The following PTCHD4 variants were observed in gnomAD, a reference collection of about 807,000 sequenced individuals.
PTCHD4 encodes the protein patched domain-containing protein 4.
In PTCHD4, 33 loss-of-function variants were observed where a neutral mutation model predicts 58.1. The ratio of observed to expected loss-of-function variants is 0.57; its 90% CI spans 0.43 to 0.76. PTCHD4 has a LOEUF of 0.76. Ranked by LOEUF, PTCHD4 falls within the 30% of genes least tolerant of loss-of-function variation. The probability of loss-of-function intolerance (pLI) is 0.00; values close to 1 mark genes in which losing one functional copy is unlikely to be tolerated. For missense variants in PTCHD4, 1,058 were observed against 1,027.1 expected, an observed-to-expected ratio of 1.03 and a Z score of -0.41; for synonymous variants, 478 against 409.6, an observed-to-expected ratio of 1.17 and a Z score of -2.02.
rs774173820 is a variant in PTCHD4 at position 48,008,705 on chromosome 6, G to C, written c.827C>G (p.Ala276Gly). 6.2e-7 allele frequency: 1 copy of C among 1,613,802 alleles called. No homozygotes were observed. Among genetic ancestry groups the C allele is most frequent in the Non-Finnish European group, 8.5e-7 (1 of 1,179,836 alleles). ...ATCGGTGATGAAGAAGATCCCTGCT[G>C]CTGTGATGATGGAGATGCATACTGT... ...VLTVCISIIT[A>G]AGIFFITDGK... The change falls in exon 4 of 5, where the codon GCA (alanine) becomes GGA (glycine). Residue 276 changes from alanine to glycine, a missense_variant. Ala to Gly is a moderately conservative substitution (Grantham distance 60). Transcript: ENST00000339488.
At chr6:47,983,607 TAAAAGGA>T (rs1767963051) in intron 4 of PTCHD4, among the ~76,000 whole-genome samples, 1 of 152,224 alleles carries the variant, frequency 6.6e-6, no homozygotes, top group Non-Finnish European at 1.5e-5. Context: ...TCTTTGTGTG[TAAAAGGA>T]TAAAATGATG....
intron 3 of PTCHD4, among the ~76,000 whole-genome samples, chr6:48,030,978 G>T (rs1763419487): frequency 6.6e-6 from 1 of 152,104 alleles, no homozygotes; most frequent in Admixed American, 6.6e-5. Context: ...GAGAACAATG[G>T]ACTTATGTTG....
At chr6:48,015,499 A>G (rs902720999) in intron 3 of PTCHD4, among the ~76,000 whole-genome samples, 3 of 151,622 alleles carry the variant, frequency 2.0e-5, no homozygotes, top group African/African-American at 4.9e-5. Context: ...CTTTCTTCCT[A>G]TTCCTTGAAG....
At position 47,878,347 on chromosome 6, in the gene PTCHD4, AT is replaced by A. The variant is rs747450851; in HGVS notation, c.2487del (p.Glu829AspfsTer3). ...RAKRKEREEI[E>X]CIEIQENPDH... ...TCCGGGTTCTCTTGAATTTCTATGCATTCAATTTCCTCTCTCTCCTTTCGCT... is the reference window on the plus strand; with the variant it reads ...TCCGGGTTCTCTTGAATTTCTATGCATCAATTTCCTCTCTCTCCTTTCGCT... On this transcript the variant is annotated frameshift_variant, in exon 5 of 5. Transcript: ENST00000339488. LOFTEE classifies it high-confidence loss of function. 2 of 1,608,732 alleles carry A rather than the reference AT, an allele frequency of 1.2e-6. No homozygotes were observed. Among genetic ancestry groups the A allele is most frequent in the African/African-American group, 2.7e-5 (2 of 74,404 alleles).
At chr6:48,097,725 A>T (rs1765503959) in intron 1 of PTCHD4, among the ~76,000 whole-genome samples, 1 of 152,206 alleles carries the variant, frequency 6.6e-6, no homozygotes, top group Admixed American at 6.5e-5. Context: ...CCTTATTAGG[A>T]AGCTATTATA....
rs1191464873 is a variant in PTCHD4, at chr6:47,877,317, A to G, written c.*986T>C. On this transcript the variant is annotated 3_prime_UTR_variant, in exon 5 of 5. Transcript: ENST00000339488. ...CACATACACATACTTGTGCACCCTT[A>G]GACTCATGTATGGATAATCTGTGTA... Among the ~76,000 whole-genome samples, 2 of 152,034 alleles carry G rather than the reference A, an allele frequency of 1.3e-5. No homozygotes were observed. The highest frequency in any genetic ancestry group is 2.9e-5 in the Non-Finnish European group (2 of 67,976).
chr6:47,983,895 A>G (rs1310009219), intron 4 of PTCHD4, among the ~76,000 whole-genome samples: 1 of 152,194 alleles, frequency 6.6e-6, no homozygotes, highest in African/African-American at 2.4e-5. Context: ...TATTTAACCC[A>G]ATCTTATGTA....
chr6:47,868,264 A>C lies in PTCHD4; in HGVS notation c.*10039T>G, dbSNP rs1459237065. On this transcript the variant is annotated 3_prime_UTR_variant, in exon 5 of 5. Coordinates refer to ENST00000339488, the MANE Select transcript of PTCHD4 (RefSeq NM_001384253.1). The stretch of plus-strand genomic sequence containing the variant: ...TCACATTCTCCCTTATTTTACTATC[A>C]AGATGTGTATAGCTCTAGGTTGTAG... 3.3e-5 allele frequency among the ~76,000 whole-genome samples: 5 copies of C among 151,446 alleles called. No individual in the cohort carries two copies. Among genetic ancestry groups the C allele is most frequent in the Non-Finnish European group, 5.9e-5 (4 of 67,744 alleles).
intron 3 of PTCHD4, among the ~76,000 whole-genome samples, chr6:48,062,462 C>A (rs1764663935): frequency 6.6e-6 from 1 of 152,144 alleles, no homozygotes; most frequent in East Asian, 1.9e-4. Flanking sequence ...TCCCCACCCC[C>A]CACTTTTTTT....
At chr6:48,032,039 T>C (rs1490586831) in intron 3 of PTCHD4, among the ~76,000 whole-genome samples, 1 of 147,368 alleles carries the variant, frequency 6.8e-6, no homozygotes, top group Non-Finnish European at 1.5e-5. Flanking sequence ...ATGTACCCTC[T>C]GTCCTTGACA....
chr6:48,108,314 A>G (rs1236517499), intron 1 of PTCHD4, among the ~76,000 whole-genome samples: 5 of 152,168 alleles, frequency 3.3e-5, no homozygotes, highest in Non-Finnish European at 7.3e-5. Flanking sequence ...ACATGGATGA[A>G]GCTGGAAACC....
chr6:47,997,429 A>G (rs1262706724), intron 4 of PTCHD4, among the ~76,000 whole-genome samples: 1 of 152,112 alleles, frequency 6.6e-6, no homozygotes, highest in Admixed American at 6.6e-5. Context: ...CTAATATACT[A>G]TCTTACTTTA....
At chr6:48,014,362 G>C (rs1224720325) in intron 3 of PTCHD4, among the ~76,000 whole-genome samples, 1 of 152,048 alleles carries the variant, frequency 6.6e-6, no homozygotes, top group Non-Finnish European at 1.5e-5. Context: ...CTTCTATGTA[G>C]GAAAGACAAA....
intron 3 of PTCHD4, among the ~76,000 whole-genome samples, chr6:48,011,648 A>T (rs1372533821): frequency 1.3e-5 from 2 of 152,180 alleles, no homozygotes; most frequent in Non-Finnish European, 2.9e-5. Flanking sequence ...GTCTTTGCCC[A>T]TGCCTATGTC....
intron 4 of PTCHD4, among the ~76,000 whole-genome samples, chr6:47,924,113 T>C (rs970147271): frequency 6.6e-6 from 1 of 152,162 alleles, no homozygotes; most frequent in African/African-American, 2.4e-5. Context: ...TATTTCTACA[T>C]GGAATTCACT....
At chr6:47,948,247 T>A (rs963501754) in intron 4 of PTCHD4, among the ~76,000 whole-genome samples, 1 of 152,238 alleles carries the variant, frequency 6.6e-6, no homozygotes, top group African/African-American at 2.4e-5. Context: ...GAGGCTACCC[T>A]TAGCTCCTTG....
intron 3 of PTCHD4, among the ~76,000 whole-genome samples, chr6:48,032,030 T>C (rs1021926225): frequency 6.6e-6 from 1 of 150,702 alleles, no homozygotes; most frequent in African/African-American, 2.4e-5. Flanking sequence ...AATATAATGA[T>C]GTACCCTCTG....
At position 48,108,793 on chromosome 6, in the gene PTCHD4, C is replaced by T. The variant is rs186858744; in HGVS notation, c.-970+2256G>A. ...AGAACGAATATAAACAATGATAAAT[C>T]TAGGCTTCATAATACAGAGAACAAC... On this transcript the variant is annotated intron_variant, in intron 1 of 4. Coordinates refer to ENST00000339488, the MANE Select transcript of PTCHD4 (RefSeq NM_001384253.1). Among the ~76,000 whole-genome samples, 316 of 151,622 alleles carry T rather than the reference C, an allele frequency of 2.1e-3. 1 individual carries two copies. Among genetic ancestry groups the T allele is most frequent in the African/African-American group, 6.5e-3 (270 of 41,410 alleles).
intron 4 of PTCHD4, among the ~76,000 whole-genome samples, chr6:47,882,058 ACTC>A (rs377298430): frequency 1.1e-3 from 169 of 152,152 alleles, no homozygotes; most frequent in African/African-American, 3.6e-3. Context: ...CTTCGGCAAA[ACTC>A]CTTGAAGAGA....
Sources: allele counts gnomAD v4.1 joint callset (sites outside exome capture counted in the v4.1 genomes callset), GRCh38; gene constraint gnomAD v4.1.1; transcripts MANE v1.5; gene names NCBI Gene and HGNC (gene_info 2026-07-23, HGNC 2026-07-21).